The following NSMCE2 variants were observed in gnomAD, a reference collection of about 807,000 sequenced individuals.
NSMCE2 encodes the protein E3 SUMO-protein ligase NSE2.
Under a neutral mutation model 23.8 loss-of-function variants are expected in NSMCE2, and 24 were observed. That is an observed-to-expected ratio of 1.01 (90% confidence interval 0.73 to 1.42). NSMCE2 has a LOEUF of 1.42. Among genes scored for constraint, NSMCE2 ranks in the 40% most tolerant of loss-of-function variants. NSMCE2 has a pLI of 0.00. For missense variants in NSMCE2, 284 were observed against 296.5 expected, an observed-to-expected ratio of 0.96 and a Z score of 0.31; for synonymous variants, 92 against 94.1, an observed-to-expected ratio of 0.98 and a Z score of 0.13.
intron 3 of NSMCE2, among the ~76,000 whole-genome samples, chr8:125,105,337 G>C (rs986543501): frequency 1.3e-5 from 2 of 152,074 alleles, no homozygotes; most frequent in African/African-American, 4.8e-5. Flanking sequence ...TGATAGATAG[G>C]CCTGGATAAA....
At chr8:125,262,096 C>CAAAATAAAAT (rs10654840) in intron 5 of NSMCE2, among the ~76,000 whole-genome samples, 10,454 of 142,898 alleles carry the variant, frequency 0.073, 473 homozygotes, top group South Asian at 0.17. Context: ...GACTCTGTCT[C>CAAAATAAAAT]AAAATAAAAT....
intron 5 of NSMCE2, among the ~76,000 whole-genome samples, chr8:125,291,522 C>T (rs1828104617): frequency 6.6e-6 from 1 of 152,024 alleles, no homozygotes; most frequent in Non-Finnish European, 1.5e-5. Flanking sequence ...ACTCTGCAAG[C>T]AGATTTGGAT....
intron 3 of NSMCE2, among the ~76,000 whole-genome samples, chr8:125,140,025 A>C (rs1358440744): frequency 6.6e-6 from 1 of 152,176 alleles, no homozygotes; most frequent in Non-Finnish European, 1.5e-5. Flanking sequence ...TTACACATGG[A>C]ATATTTGCAT....
intron 3 of NSMCE2, among the ~76,000 whole-genome samples, chr8:125,146,430 G>A (rs1046503401): frequency 2.0e-5 from 3 of 152,060 alleles, no homozygotes; most frequent in African/African-American, 7.2e-5. Flanking sequence ...ATAATCCTTT[G>A]GGTATAACAT....
intron 5 of NSMCE2, among the ~76,000 whole-genome samples, chr8:125,196,526 A>G (rs571506056): frequency 6.6e-6 from 1 of 152,314 alleles, no homozygotes; most frequent in Admixed American, 6.5e-5. Flanking sequence ...TGCAGAGGAC[A>G]TGAACTCATC....
At chr8:125,181,393 A>G (rs1182217715) in intron 4 of NSMCE2, among the ~76,000 whole-genome samples, 1 of 152,150 alleles carries the variant, frequency 6.6e-6, no homozygotes, top group African/African-American at 2.4e-5. Context: ...GGATAGCGAG[A>G]TAGATAGATG....
rs186328594 is a variant in NSMCE2 at position 125,217,362 on chromosome 8, T to A, written c.418+35106T>A. On this transcript the variant is annotated intron_variant, in intron 5 of 7. Transcript: ENST00000287437. Reference sequence around the variant, plus strand: ...TTATTTATTTATTTATTTATTTATTTTTTATTTATTTATTTTGAGATGGAG... The same window carrying A: ...TTATTTATTTATTTATTTATTTATTATTTATTTATTTATTTTGAGATGGAG... 4.2e-3 allele frequency among the ~76,000 whole-genome samples: 641 copies of A among 151,058 alleles called. 7 individuals carry two copies. The highest frequency in any genetic ancestry group is 0.015 in the African/African-American group (613 of 41,378).
At chr8:125,304,950 A>G (rs1471669202) in intron 5 of NSMCE2, among the ~76,000 whole-genome samples, 1 of 25,252 alleles carries the variant, frequency 4.0e-5, no homozygotes, top group African/African-American at 5.5e-4. Context: ...GAAGGAAGGA[A>G]GGAAGGAAGA....
intron 4 of NSMCE2, chr8:125,155,970 C>T (rs774972785): frequency 1.8e-5 from 8 of 453,458 alleles, no homozygotes; most frequent in South Asian, 9.3e-5. Flanking sequence ...ATATATTTAG[C>T]AATTGATGAT....
intron 5 of NSMCE2, among the ~76,000 whole-genome samples, chr8:125,297,935 C>CA (rs1828393585): frequency 6.6e-6 from 1 of 152,026 alleles, no homozygotes; most frequent in Non-Finnish European, 1.5e-5. Flanking sequence ...GACAAATAAA[C>CA]ACGGATGTTG....
chr8:125,200,362 A>C (rs552848147), intron 5 of NSMCE2, among the ~76,000 whole-genome samples: 57 of 151,292 alleles, frequency 3.8e-4, no homozygotes, highest in Non-Finnish European at 6.9e-4. Flanking sequence ...CTTGTAAGGC[A>C]GGCCTAGTGG....
chr8:125,262,285 C>T (rs933731684), intron 5 of NSMCE2, among the ~76,000 whole-genome samples: 12 of 151,588 alleles, frequency 7.9e-5, no homozygotes, highest in Non-Finnish European at 1.5e-4. Context: ...ATTAGCCGGG[C>T]GTGGTGGCAG....
intron 5 of NSMCE2, among the ~76,000 whole-genome samples, chr8:125,188,154 A>G (rs1446779588): frequency 6.6e-6 from 1 of 152,210 alleles, no homozygotes; most frequent in African/African-American, 2.4e-5. Context: ...TTCACTTTAC[A>G]AAAGGATTCT....
intron 3 of NSMCE2, among the ~76,000 whole-genome samples, chr8:125,139,385 A>G (rs561139909): frequency 1.1e-4 from 16 of 152,218 alleles, no homozygotes; most frequent in Admixed American, 4.6e-4. Flanking sequence ...TTTTGTTTTT[A>G]ATATAGTATG....
intron 3 of NSMCE2, among the ~76,000 whole-genome samples, chr8:125,114,370 A>G (rs1177106537): frequency 6.6e-6 from 1 of 152,228 alleles, no homozygotes; most frequent in Non-Finnish European, 1.5e-5. Context: ...GCACTCAATA[A>G]ATGAAAGAAT....
chr8:125,129,360 T>C (rs1345550823), intron 3 of NSMCE2, among the ~76,000 whole-genome samples: 1 of 152,152 alleles, frequency 6.6e-6, no homozygotes, highest in East Asian at 1.9e-4. Context: ...TTAAACATCT[T>C]TTTAAGCCTA....
At chr8:125,186,384 G>A (rs1017810369) in intron 5 of NSMCE2, among the ~76,000 whole-genome samples, 2 of 151,988 alleles carry the variant, frequency 1.3e-5, no homozygotes, top group African/African-American at 4.8e-5. Flanking sequence ...CAGAAGTAAC[G>A]GCAGTTTTTA....
At chr8:125,247,121 G>A (rs1318156222) in intron 5 of NSMCE2, among the ~76,000 whole-genome samples, 1 of 151,552 alleles carries the variant, frequency 6.6e-6, no homozygotes, top group Non-Finnish European at 1.5e-5. Flanking sequence ...TTGAGCCCAG[G>A]AGTTAGAGAC....
Position 125,179,536 on chromosome 8 carries a change from T to A in NSMCE2, c.265-2567T>A, listed in dbSNP as rs553953096. 7.9e-5 allele frequency among the ~76,000 whole-genome samples: 12 copies of A among 152,322 alleles called. No individual in the cohort carries two copies. The South Asian group carries it at 2.3e-3, about 29-fold the overall frequency. On this transcript the variant is annotated intron_variant, in intron 4 of 7. Coordinates refer to ENST00000287437, the MANE Select transcript of NSMCE2 (RefSeq NM_173685.4). The stretch of plus-strand genomic sequence containing the variant: ...ATTTAAAGAGATAATGAGTTGAATG[T>A]TTTTAAATTTCATTTTGATAGCTAG...
Sources: gnomAD v4.1 joint callset for allele counts (sites outside exome capture counted in the v4.1 genomes callset) on GRCh38, gnomAD v4.1.1 for gene constraint, MANE v1.5 for transcripts, NCBI Gene and HGNC (gene_info 2026-07-23, HGNC 2026-07-21) for gene names.